C1orf21: variants seen among roughly 807,000 people sequenced by gnomAD.
C1orf21 encodes the protein chromosome 1 open reading frame 21.
Under a neutral mutation model 18.7 loss-of-function variants are expected in C1orf21, and 3 were observed. That is an observed-to-expected ratio of 0.16 (90% CI 0.07 to 0.42). C1orf21 has a LOEUF of 0.42. Among genes scored for constraint, C1orf21 ranks in the 10% least tolerant of loss-of-function variants. The pLI is 0.99. For synonymous variants in C1orf21, 41 were observed against 46.4 expected, an observed-to-expected ratio of 0.88 and a Z score of 0.47; for missense variants, 104 against 143.6, an observed-to-expected ratio of 0.72 and a Z score of 1.41.
intron 1 of C1orf21, among the ~76,000 whole-genome samples, chr1:184,418,678 T>G (rs1489797304): frequency 6.6e-5 from 10 of 152,214 alleles, no homozygotes; most frequent in Non-Finnish European, 1.5e-4. Flanking sequence ...CTTTTGTGGA[T>G]TCATTAATTT....
intron 2 of C1orf21, among the ~76,000 whole-genome samples, chr1:184,496,098 A>C (rs1025057893): frequency 6.6e-5 from 10 of 152,008 alleles, no homozygotes; most frequent in Non-Finnish European, 1.5e-5. Flanking sequence ...GGCCCACTGG[A>C]AGGGGTAGAA....
intron 3 of C1orf21, chr1:184,540,052 TAACC>T (rs1557997958): frequency 6.6e-6 from 1 of 152,328 alleles, no homozygotes; most frequent in East Asian, 1.9e-4. Context: ...TACTACAACA[TAACC>T]AAACTAAAAT....
intron 3 of C1orf21, among the ~76,000 whole-genome samples, chr1:184,590,098 G>A (rs992833436): frequency 1.3e-5 from 2 of 152,170 alleles, no homozygotes; most frequent in Admixed American, 1.3e-4. Flanking sequence ...GTATTATTGA[G>A]ATCATGTCCT....
At chr1:184,497,747 T>C (rs1205681659) in intron 2 of C1orf21, among the ~76,000 whole-genome samples, 1 of 152,214 alleles carries the variant, frequency 6.6e-6, no homozygotes, top group Middle Eastern at 3.2e-3. Context: ...CTGAATTCTT[T>C]CTAAAAGTTG....
At chr1:184,590,290 C>T (rs1301331896) in intron 3 of C1orf21, among the ~76,000 whole-genome samples, 1 of 152,142 alleles carries the variant, frequency 6.6e-6, no homozygotes, top group Admixed American at 6.5e-5. Context: ...TAGTCATGTT[C>T]CTGTTCCTGT....
intron 3 of C1orf21, among the ~76,000 whole-genome samples, chr1:184,538,844 G>T (rs1658600334): frequency 1.3e-5 from 2 of 152,016 alleles, no homozygotes; most frequent in Admixed American, 1.3e-4. Context: ...ACACTGTTTT[G>T]ATTATTGTAA....
rs1660048789 is a variant in C1orf21 at position 184,628,187 on chromosome 1, C to T, written c.*8631C>T. On this transcript the variant is annotated 3_prime_UTR_variant, in exon 6 of 6. Coordinates refer to ENST00000235307, the MANE Select transcript of C1orf21 (RefSeq NM_030806.4). The stretch of plus-strand genomic sequence containing the variant: ...ACCACTCTGCCTGCACATGAATTCT[C>T]CAAAGCAGTGGGCCCCCATCTGTTT... 1 of 152,170 alleles carries T rather than the reference C, an allele frequency of 6.6e-6. No individual in the cohort carries two copies. Among genetic ancestry groups the T allele is most frequent in the South Asian group, 2.1e-4 (1 of 4,816 alleles). The allele number at this position is 152,170 out of a possible 1,614,324, so 9.4% of individuals were successfully genotyped here. A position where few individuals can be genotyped will look rare whatever the true frequency, so the allele number is the denominator to read the frequency against.
chr1:184,508,861 G>A (rs1010322445), intron 3 of C1orf21, among the ~76,000 whole-genome samples: 3 of 152,096 alleles, frequency 2.0e-5, no homozygotes, highest in African/African-American at 7.2e-5. Flanking sequence ...CTTAAATCCA[G>A]GAAAGTAGCT....
At chr1:184,443,200 C>A (rs181406697) in intron 1 of C1orf21, among the ~76,000 whole-genome samples, 1 of 152,126 alleles carries the variant, frequency 6.6e-6, no homozygotes, top group African/African-American at 2.4e-5. Context: ...CTACTCCTTG[C>A]GTGCAAATTT....
intron 3 of C1orf21, among the ~76,000 whole-genome samples, chr1:184,556,305 A>G (rs944656006): frequency 6.6e-6 from 1 of 152,124 alleles, no homozygotes; most frequent in African/African-American, 2.4e-5. Context: ...TACCAGGTAT[A>G]CTCCTTGCAT....
In C1orf21 at chr1:184,411,110, A is replaced by G. The variant is rs1360279873; in HGVS notation, c.-125+23742A>G. On this transcript the variant is annotated intron_variant, in intron 1 of 5. Transcript: ENST00000235307. ...GTTTAAACAGGAACATATGTGGTTT[A>G]CGGGAAAGTTTGTGATCAGATGTAA... Among the ~76,000 whole-genome samples the G allele has an allele frequency of 2.6e-5, 4 of 152,160 alleles. No homozygotes were observed. The East Asian group carries it at 5.8e-4, about 22-fold the overall frequency.
intron 2 of C1orf21, among the ~76,000 whole-genome samples, chr1:184,506,231 G>A (rs1248623045): frequency 6.6e-6 from 1 of 152,138 alleles, no homozygotes; most frequent in East Asian, 1.9e-4. Flanking sequence ...TTGGCTTAGT[G>A]AACATGAAGT....
At chr1:184,470,250 C>T (rs376613323) in intron 1 of C1orf21, among the ~76,000 whole-genome samples, 1 of 152,096 alleles carries the variant, frequency 6.6e-6, no homozygotes, top group Non-Finnish European at 1.5e-5. Flanking sequence ...AAAAGCCCCA[C>T]GTCTGATTAG....
chr1:184,609,981 T>C (rs1422855647), intron 5 of C1orf21, among the ~76,000 whole-genome samples: 1 of 152,248 alleles, frequency 6.6e-6, no homozygotes, highest in African/African-American at 2.4e-5. Context: ...TCTGGAGAGA[T>C]GTCTCTCAAG....
intron 1 of C1orf21, among the ~76,000 whole-genome samples, chr1:184,436,531 C>T (rs1656861372): frequency 6.6e-6 from 1 of 151,900 alleles, no homozygotes; most frequent in Non-Finnish European, 1.5e-5. Flanking sequence ...TGCCCAGCCC[C>T]CAGGAGCCCT....
intron 3 of C1orf21, among the ~76,000 whole-genome samples, chr1:184,575,556 AT>A (rs1659173401): frequency 6.7e-6 from 1 of 149,736 alleles, no homozygotes; most frequent in Middle Eastern, 3.5e-3. Context: ...AAAACAATCC[AT>A]TTTTTCCATT....
At chr1:184,510,992 A>T (rs1292613202) in intron 3 of C1orf21, among the ~76,000 whole-genome samples, 1 of 152,206 alleles carries the variant, frequency 6.6e-6, no homozygotes, top group East Asian at 1.9e-4. Flanking sequence ...TTGACAGCTC[A>T]TTAGATATTA....
At chr1:184,456,760 C>T (rs910856005) in intron 1 of C1orf21, among the ~76,000 whole-genome samples, 10 of 152,154 alleles carry the variant, frequency 6.6e-5, no homozygotes, top group African/African-American at 2.4e-4. Flanking sequence ...ATCTCCTATG[C>T]TTGGCTTCAT....
At chr1:184,603,611 ATGG>A (rs1659612816) in intron 5 of C1orf21, among the ~76,000 whole-genome samples, 1 of 152,206 alleles carries the variant, frequency 6.6e-6, no homozygotes. Flanking sequence ...CCTAGCCAAC[ATGG>A]TGAAACCCTG....
Sources: allele counts gnomAD v4.1 joint callset (sites outside exome capture counted in the v4.1 genomes callset), GRCh38; gene constraint gnomAD v4.1.1; transcripts MANE v1.5; gene names NCBI Gene and HGNC (gene_info 2026-07-23, HGNC 2026-07-21).